MRPL18: variants seen among roughly 807,000 people sequenced by gnomAD.
The protein encoded by MRPL18 is mitochondrial ribosomal protein L18.
A neutral mutation model predicts 20.9 loss-of-function variants in MRPL18; 16 were observed. That is an observed-to-expected ratio of 0.76 (90% CI 0.52 to 1.16). The LOEUF (loss-of-function observed/expected upper bound fraction) is 1.16. Among genes scored for constraint, MRPL18 ranks in the 50% most tolerant of loss-of-function variants. MRPL18 has a pLI of 0.00. For synonymous variants in MRPL18, 91 were observed against 87.1 expected, an observed-to-expected ratio of 1.04 and a Z score of -0.25; for missense variants, 233 against 230.6, an observed-to-expected ratio of 1.01 and a Z score of -0.07.
intron 2 of MRPL18, among the ~76,000 whole-genome samples, chr6:159,794,033 T>C (rs946816892): frequency 1.3e-5 from 2 of 152,262 alleles, no homozygotes; most frequent in African/African-American, 4.8e-5. Flanking sequence ...GAGAATCTAA[T>C]GATTTGGGTG....
chr6:159,790,897 A>G, intron 1 of MRPL18, 43 bp from the exon 2 acceptor site: 1 of 1,609,986 alleles, frequency 6.2e-7, no homozygotes, highest in South Asian at 1.1e-5. Context: ...CGCTGTCCAT[A>G]TCCGTCATTT....
In MRPL18 at chr6:159,798,096, A is replaced by G; in HGVS notation, c.516A>G (p.Leu172=). 2 of 1,613,714 alleles carry G rather than the reference A, an allele frequency of 1.2e-6. No individual in the cohort carries two copies. Among genetic ancestry groups the G allele is most frequent in the Non-Finnish European group, 1.7e-6 (2 of 1,179,700 alleles). ...QSAMTEGGVV[L]REPQRIYE is the part of the protein sequence containing the mutation. ...CCATGACAGAAGGTGGTGTGGTTCT[A>G]CGGGAACCTCAGAGAATCTATGAAT... The change falls in exon 4 of 4, where the codon CTA becomes CTG. Residue 172 remains leucine (L), a synonymous_variant. Transcript: ENST00000367034.
At chr6:159,794,866 TG>T (rs2115009582) in intron 2 of MRPL18, among the ~76,000 whole-genome samples, 1 of 152,266 alleles carries the variant, frequency 6.6e-6, no homozygotes, top group African/African-American at 2.4e-5. Context: ...GTTCAGCATA[TG>T]GAGGATCCCG....
intron 2 of MRPL18, among the ~76,000 whole-genome samples, chr6:159,796,432 T>C (rs1366308949): frequency 6.6e-6 from 1 of 150,904 alleles, no homozygotes; most frequent in Non-Finnish European, 1.5e-5. Flanking sequence ...GTGAGCCAAG[T>C]TCGTGCCTCT....
chr6:159,797,213 T>C, intron 2 of MRPL18, 74 bp from the exon 3 acceptor site: 1 of 1,331,388 alleles, frequency 7.5e-7, no homozygotes, highest in Non-Finnish European at 1.1e-6. Context: ...TATTTAGTCA[T>C]TTATTCACCT....
intron 2 of MRPL18, among the ~76,000 whole-genome samples, chr6:159,796,128 C>CTT (rs371374052): frequency 1.3e-3 from 152 of 116,336 alleles, no homozygotes; most frequent in Middle Eastern, 4.6e-3. Context: ...CTTCATTTTA[C>CTT]TTTTTTTTTT....
intron 1 of MRPL18, 103 bp downstream of exon 1, chr6:159,790,742 A>G: frequency 1.3e-6 from 2 of 1,518,474 alleles, no homozygotes; most frequent in Non-Finnish European, 1.8e-6. Context: ...GGATCGAAAT[A>G]GAGCTCGCGG....
At position 159,798,304 on chromosome 6, in the gene MRPL18, C is replaced by A; in HGVS notation, c.*181C>A. 1.9e-6 allele frequency: 1 copy of A among 517,928 alleles called. No homozygotes were observed. Among genetic ancestry groups the A allele is most frequent in the South Asian group, 3.0e-5 (1 of 33,620 alleles). 32.1% of individuals were successfully genotyped at this position (517,928 alleles called of 1,614,324 possible). A position where few individuals can be genotyped will look rare whatever the true frequency, so the allele number is the denominator to read the frequency against. On this transcript the variant is annotated 3_prime_UTR_variant, in exon 4 of 4. Coordinates refer to ENST00000367034, the MANE Select transcript of MRPL18 (RefSeq NM_014161.5). ...TTCTGTTTTTTTAAATCAAGAACTA[C>A]GTTCTGCCCCTCTCTTGGGCTTCAG...
chr6:159,790,473 T>C lies in MRPL18; in HGVS notation c.-115T>C. On this transcript the variant is annotated 5_prime_UTR_variant, in exon 1 of 4. Transcript: ENST00000367034. ...GTCGGTGGCGTCTGGCGTGGAGAGT[T>C]TGGGGATCTACAGCAGCCAAAGGCT... 1 of 1,408,744 alleles carries C rather than the reference T, an allele frequency of 7.1e-7. No homozygotes were observed. The highest frequency in any genetic ancestry group is 1.2e-5 in the South Asian group (1 of 83,842). 87.3% of individuals were successfully genotyped at this position (1,408,744 alleles called of 1,614,324 possible).
upstream of MRPL18, chr6:159,790,457 G>C (rs1431069768): frequency 1.7e-6 from 2 of 1,209,388 alleles, no homozygotes; most frequent in Non-Finnish European, 2.4e-6. Flanking sequence ...GGTCGGTGGC[G>C]TCTGGCGTGG....
Position 159,797,494 on chromosome 6 carries a change from C to A in MRPL18, c.447C>A (p.Thr149=), listed in dbSNP as rs1325129871. The change falls in exon 3 of 4, where the codon ACC becomes ACA. Residue 149 remains threonine, a synonymous_variant. Coordinates refer to ENST00000367034, the MANE Select transcript of MRPL18 (RefSeq NM_014161.5). Reference sequence around the variant, plus strand: ...TCAACTTCATGGTCTACCAACCAACCCCGTGGGAGGCAGCCTCAGACTCGG... The same window carrying A: ...TCAACTTCATGGTCTACCAACCAACACCGTGGGAGGCAGCCTCAGACTCGG... ...AGINFMVYQP[T]PWEAASDSMK... 1.9e-6 allele frequency: 3 copies of A among 1,614,098 alleles called. No individual in the cohort carries two copies. Among genetic ancestry groups the A allele is most frequent in the Non-Finnish European group, 8.5e-7 (1 of 1,179,988 alleles).
intron 2 of MRPL18, among the ~76,000 whole-genome samples, chr6:159,793,632 G>A (rs1011751849): frequency 3.3e-5 from 5 of 152,136 alleles, no homozygotes; most frequent in South Asian, 2.1e-4. Flanking sequence ...ATTTTTGGCC[G>A]GGCGCGGTGG....
intron 2 of MRPL18, among the ~76,000 whole-genome samples, chr6:159,796,582 GTTTGACACCAGCC>G (rs1450225838): frequency 6.6e-6 from 1 of 151,760 alleles, no homozygotes; most frequent in African/African-American, 2.4e-5. Flanking sequence ...GAGGCCAGGA[GTTTGACACCAGCC>G]TTGGCAACAT....
At chr6:159,795,430 G>A (rs1005315431) in intron 2 of MRPL18, among the ~76,000 whole-genome samples, 5 of 152,212 alleles carry the variant, frequency 3.3e-5, no homozygotes, top group Non-Finnish European at 4.4e-5. Flanking sequence ...CTGGGTACTT[G>A]AGATTAGGGA....
intron 2 of MRPL18, among the ~76,000 whole-genome samples, chr6:159,793,362 A>G (rs1459678158): frequency 1.9e-5 from 2 of 106,724 alleles, no homozygotes; most frequent in Non-Finnish European, 4.4e-5. Flanking sequence ...ACTTGTTTTT[A>G]CTTTTTTTAA....
At chr6:159,789,894 A>G (rs1780816928), upstream of MRPL18, 1 of 209,776 alleles carries the variant, frequency 4.8e-6, no homozygotes, top group Non-Finnish European at 1.0e-5. Flanking sequence ...AAAAGGTTGT[A>G]AGAAGGGTGG....
Position 159,790,629 on chromosome 6 carries a change from C to G in MRPL18, c.42C>G (p.Cys14Trp), listed in dbSNP as rs754729014. Residue 14 changes from cysteine to tryptophan, a missense_variant, in exon 1 of 4, where the codon TGC (cysteine) becomes TGG (tryptophan). By Grantham distance (215) the Cys-to-Trp change is radical (BLOSUM62 -2). Coordinates refer to ENST00000367034, the MANE Select transcript of MRPL18 (RefSeq NM_014161.5). ...GGTTTTGGGGGTTGTTCTCGGTTTG[C>G]AGGAACCCTGGTAATTAGTCTTGCC... ...RSRFWGLFSV[C>W]RNPGCRFAAL... The G allele has an allele frequency of 3.1e-6, 5 of 1,613,898 alleles. No homozygotes were observed. The African/African-American group carries it at 6.7e-5, about 22-fold the overall frequency.
chr6:159,793,694 G>C (rs1184573390), intron 2 of MRPL18, among the ~76,000 whole-genome samples: 3 of 152,126 alleles, frequency 2.0e-5, no homozygotes, highest in Non-Finnish European at 2.9e-5. Flanking sequence ...CGGATCACGA[G>C]GTCAGGAGAT....
chr6:159,792,048 C>A (rs1780915026), intron 2 of MRPL18, among the ~76,000 whole-genome samples: 1 of 152,138 alleles, frequency 6.6e-6, no homozygotes, highest in Non-Finnish European at 1.5e-5. Flanking sequence ...ATGCTACTTG[C>A]TTTATATGTT....
Sources: allele counts gnomAD v4.1 joint callset (sites outside exome capture counted in the v4.1 genomes callset), GRCh38; gene constraint gnomAD v4.1.1; transcripts MANE v1.5; gene names NCBI Gene and HGNC (gene_info 2026-07-23, HGNC 2026-07-21).